FER: variants seen among roughly 807,000 people sequenced by gnomAD.
FER encodes FER tyrosine kinase.
FER carries 63 observed loss-of-function variants against 111.0 expected under a neutral mutation model. That is an observed-to-expected ratio of 0.57 (90% CI 0.46 to 0.70). The LOEUF is 0.70. Ranked by LOEUF, FER falls within the 30% of genes least tolerant of loss-of-function variation. The pLI is 0.00. For missense variants in FER, 914 were observed against 954.0 expected (o/e 0.96, Z 0.55); for synonymous variants, 327 against 313.9 (o/e 1.04, Z -0.44).
At chr5:109,080,705 A>G (rs1776887800) in intron 16 of FER, among the ~76,000 whole-genome samples, 1 of 152,124 alleles carries the variant, frequency 6.6e-6, no homozygotes, top group African/African-American at 2.4e-5. Flanking sequence ...TTTAAATGAT[A>G]GGAGCAAGGA....
chr5:108,803,594 C>A (rs973042428), intron 3 of FER, among the ~76,000 whole-genome samples: 4 of 151,736 alleles, frequency 2.6e-5, no homozygotes, highest in Admixed American at 2.6e-4. Context: ...ATAGGGAGTT[C>A]TTTCCCTGTT....
Position 109,188,749 on chromosome 5 carries a change from A to AGAAACTGCAAAGCACAAATCCACAG in FER, c.*1175_*1199dup, listed in dbSNP as rs1472651550. The AGAAACTGCAAAGCACAAATCCACAG allele has an allele frequency of 3.3e-5, 5 of 152,246 alleles. No homozygotes were observed. Among genetic ancestry groups the AGAAACTGCAAAGCACAAATCCACAG allele is most frequent in the Admixed American group, 6.5e-5 (1 of 15,286 alleles). The allele number at this position is 152,246 out of a possible 1,614,324, so 9.4% of individuals were successfully genotyped here. A position where few individuals can be genotyped will look rare whatever the true frequency, so the allele number is the denominator to read the frequency against. On this transcript the variant is annotated 3_prime_UTR_variant, in exon 20 of 20. Transcript: ENST00000281092. The stretch of plus-strand genomic sequence containing the variant: ...TCGTAATGGCAACAAAAATTTTGAG[A>AGAAACTGCAAAGCACAAATCCACAG]GAAACTGCAAAGCACAAATCCACAG...
At chr5:108,864,266 T>A (rs545452178) in intron 5 of FER, among the ~76,000 whole-genome samples, 2 of 152,306 alleles carry the variant, frequency 1.3e-5, no homozygotes, top group East Asian at 3.9e-4. Flanking sequence ...CATACAAGTC[T>A]GCCAGAAGGT....
At chr5:108,967,747 G>A (rs1032170745) in intron 13 of FER, among the ~76,000 whole-genome samples, 72 of 113,324 alleles carry the variant, frequency 6.4e-4, no homozygotes, top group African/African-American at 2.1e-3. Context: ...GCGACAAAGC[G>A]AGACTCCGTC....
At chr5:109,120,745 T>G (rs1340317873) in intron 17 of FER, among the ~76,000 whole-genome samples, 1 of 152,146 alleles carries the variant, frequency 6.6e-6, no homozygotes, top group Admixed American at 6.5e-5. Context: ...ATGGAATATT[T>G]TTTCATTTTT....
intron 10 of FER, among the ~76,000 whole-genome samples, chr5:108,902,340 G>T (rs956461606): frequency 2.0e-5 from 3 of 152,190 alleles, no homozygotes; most frequent in Non-Finnish European, 2.9e-5. Flanking sequence ...AGTAGTACTA[G>T]TCTGAGTTTT....
At chr5:109,162,957 A>G (rs542312486) in intron 17 of FER, among the ~76,000 whole-genome samples, 5 of 152,088 alleles carry the variant, frequency 3.3e-5, no homozygotes, top group African/African-American at 9.6e-5. Context: ...TCATTACCAC[A>G]CTTCCATCAT....
chr5:108,836,775 C>T (rs183995195), intron 5 of FER, among the ~76,000 whole-genome samples: 14 of 151,860 alleles, frequency 9.2e-5, no homozygotes, highest in Admixed American at 9.2e-4. Context: ...GCAGTTCTTT[C>T]TCTTCTCCTT....
chr5:108,971,589 G>C (rs1366574182), intron 13 of FER, among the ~76,000 whole-genome samples: 2 of 152,082 alleles, frequency 1.3e-5, no homozygotes, highest in Non-Finnish European at 2.9e-5. Flanking sequence ...CAATATTTTT[G>C]TACAAGTTTA....
At chr5:108,886,911 C>A (rs780974684) in intron 9 of FER, among the ~76,000 whole-genome samples, 1 of 151,662 alleles carries the variant, frequency 6.6e-6, no homozygotes, top group African/African-American at 2.4e-5. Context: ...ACATATTTTG[C>A]TAAACACATA....
intron 17 of FER, among the ~76,000 whole-genome samples, chr5:109,142,408 G>A (rs1414387649): frequency 6.6e-6 from 1 of 152,112 alleles, no homozygotes; most frequent in Non-Finnish European, 1.5e-5. Context: ...CACTGAACAG[G>A]TGTAGGAAAT....
intron 9 of FER, among the ~76,000 whole-genome samples, chr5:108,887,469 TTATA>T: frequency 6.6e-6 from 1 of 151,776 alleles, no homozygotes; most frequent in East Asian, 1.9e-4. Context: ...GAGTTCAAGC[TTATA>T]TAAGTAATGC....
At chr5:109,067,019 G>A (rs1233750167) in intron 16 of FER, among the ~76,000 whole-genome samples, 1 of 152,186 alleles carries the variant, frequency 6.6e-6, no homozygotes, top group African/African-American at 2.4e-5. Flanking sequence ...CAAAGGGGTA[G>A]GAAAAGGCTC....
rs547289624 is a variant in FER, at chr5:109,191,702, A to G, written c.*4127A>G. 2 of 152,256 alleles carry G rather than the reference A, an allele frequency of 1.3e-5. No individual in the cohort carries two copies. The highest frequency in any genetic ancestry group is 4.1e-4 in the South Asian group (2 of 4,826). The allele number at this position is 152,256 out of a possible 1,614,324, so 9.4% of individuals were successfully genotyped here. A position where few individuals can be genotyped will look rare whatever the true frequency, so the allele number is the denominator to read the frequency against. On this transcript the variant is annotated 3_prime_UTR_variant, in exon 20 of 20. Transcript: ENST00000281092. ...AATAGCGTTACTTCTTTTATGACTA[A>G]CTCTGATTTGCTTATACATATCAGA...
At chr5:108,998,065 C>T (rs1250515612) in intron 13 of FER, among the ~76,000 whole-genome samples, 1 of 151,746 alleles carries the variant, frequency 6.6e-6, no homozygotes, top group Non-Finnish European at 1.5e-5. Context: ...CTTAGCTTGC[C>T]AGGCTCCGTG....
At chr5:108,758,460 T>C (rs1176799759) in intron 1 of FER, among the ~76,000 whole-genome samples, 1 of 152,236 alleles carries the variant, frequency 6.6e-6, no homozygotes, top group African/African-American at 2.4e-5. Context: ...CTGCTCATAC[T>C]TAGGGCACTG....
intron 10 of FER, among the ~76,000 whole-genome samples, chr5:108,939,968 T>C (rs966043723): frequency 6.6e-6 from 1 of 152,076 alleles, no homozygotes; most frequent in Non-Finnish European, 1.5e-5. Context: ...AGAAATGAAA[T>C]ATGTACTTAG....
chr5:108,833,472 T>C (rs1760259561), intron 4 of FER, among the ~76,000 whole-genome samples: 2 of 146,162 alleles, frequency 1.4e-5, no homozygotes, highest in South Asian at 4.3e-4. Flanking sequence ...TCACCGTTTT[T>C]TCTATACTCC....
chr5:108,930,846 T>G (rs931477263), intron 10 of FER, among the ~76,000 whole-genome samples: 3 of 151,632 alleles, frequency 2.0e-5, no homozygotes, highest in Non-Finnish European at 4.4e-5. Flanking sequence ...ACTCCTAACC[T>G]CAAGTGATCC....
Sources: gnomAD v4.1 joint callset for allele counts (sites outside exome capture counted in the v4.1 genomes callset) on GRCh38, gnomAD v4.1.1 for gene constraint, MANE v1.5 for transcripts, NCBI Gene and HGNC (gene_info 2026-07-23, HGNC 2026-07-21) for gene names.